KAZN: variants seen among roughly 807,000 people sequenced by gnomAD.
KAZN encodes kazrin.
Under a neutral mutation model 87.4 loss-of-function variants are expected in KAZN, and 40 were observed. The observed-to-expected ratio is 0.46, with a 90% confidence interval of 0.36 to 0.60. The LOEUF is 0.60. KAZN is among the 20% of genes least tolerant of loss of function. KAZN has a pLI of 0.00. For missense variants in KAZN, 898 were observed against 1,073.9 expected (o/e 0.84, Z 2.29); for synonymous variants, 466 against 458.3 (o/e 1.02, Z -0.22).
At chr1:14,394,831 G>A (rs1176392152) in intron 2 of KAZN, among the ~76,000 whole-genome samples, 1 of 152,160 alleles carries the variant, frequency 6.6e-6, no homozygotes, top group African/African-American at 2.4e-5. Flanking sequence ...TACAGATATG[G>A]GGACAGTATT....
At chr1:14,429,126 T>C (rs1262622819) in intron 2 of KAZN, among the ~76,000 whole-genome samples, 1 of 152,074 alleles carries the variant, frequency 6.6e-6, no homozygotes, top group Non-Finnish European at 1.5e-5. Context: ...GTCATATAAG[T>C]TTTATGATCT....
intron 1 of KAZN, among the ~76,000 whole-genome samples, chr1:14,098,347 C>T (rs896708199): frequency 2.0e-4 from 31 of 151,640 alleles, no homozygotes; most frequent in African/African-American, 7.3e-4. Flanking sequence ...GGTTTTTTTG[C>T]CCTATGGTCA....
At chr1:14,259,312 A>G (rs1480323756) in intron 2 of KAZN, among the ~76,000 whole-genome samples, 3 of 151,916 alleles carry the variant, frequency 2.0e-5, no homozygotes, top group African/African-American at 4.8e-5. Flanking sequence ...TTTCTGTAGG[A>G]AGTATATTGT....
chr1:14,879,877 C>T (rs983864002), intron 1 of KAZN, among the ~76,000 whole-genome samples: 6 of 152,138 alleles, frequency 3.9e-5, no homozygotes. Flanking sequence ...ACATTTTGTG[C>T]ATTATCTCAT....
chr1:14,782,398 A>C (rs1422652119), intron 1 of KAZN, among the ~76,000 whole-genome samples: 2 of 151,896 alleles, frequency 1.3e-5, no homozygotes, highest in African/African-American at 2.4e-5. Context: ...AAATACAAAA[A>C]TTAGCCCGGC....
At chr1:13,932,781 C>T (rs1038070168) in intron 1 of KAZN, among the ~76,000 whole-genome samples, 3 of 152,194 alleles carry the variant, frequency 2.0e-5, no homozygotes, top group African/African-American at 7.2e-5. Context: ...ATGTTTGACG[C>T]TGGAATGATT....
intron 1 of KAZN, among the ~76,000 whole-genome samples, chr1:14,116,490 GT>G (rs1644621332): frequency 1.3e-5 from 2 of 152,210 alleles, no homozygotes; most frequent in African/African-American, 4.8e-5. Context: ...AAGAGTTGAG[GT>G]TTGGGAACCT....
At chr1:14,947,232 C>T (rs116548289) in intron 1 of KAZN, among the ~76,000 whole-genome samples, 316 of 152,298 alleles carry the variant, frequency 2.1e-3, no homozygotes, top group African/African-American at 7.4e-3. Context: ...CGCGGCCTTC[C>T]TTCTTTTTCC....
chr1:14,264,916 T>C (rs944467695), intron 2 of KAZN, among the ~76,000 whole-genome samples: 27 of 152,246 alleles, frequency 1.8e-4, no homozygotes, highest in Admixed American at 1.8e-3. Flanking sequence ...CTTTGTTACA[T>C]CTGCAAAGTC....
chr1:14,852,429 G>A (rs999173145), intron 1 of KAZN, among the ~76,000 whole-genome samples: 2 of 152,210 alleles, frequency 1.3e-5, no homozygotes, highest in African/African-American at 4.8e-5. Context: ...GAATGAGGAG[G>A]AACCGGAGCC....
intron 2 of KAZN, among the ~76,000 whole-genome samples, chr1:14,560,577 C>T (rs1557801079): frequency 1.3e-5 from 2 of 152,090 alleles, no homozygotes; most frequent in Non-Finnish European, 2.9e-5. Context: ...GACTCCATCT[C>T]AAAATAATAA....
At chr1:14,000,779 A>T (rs989130527) in intron 1 of KAZN, among the ~76,000 whole-genome samples, 5 of 150,458 alleles carry the variant, frequency 3.3e-5, no homozygotes, top group Non-Finnish European at 7.4e-5. Flanking sequence ...TGCAGATGAC[A>T]TGATTTTTTT....
At chr1:14,978,811 G>A (rs368356287) in intron 2 of KAZN, among the ~76,000 whole-genome samples, 15 of 152,228 alleles carry the variant, frequency 9.9e-5, no homozygotes, top group East Asian at 7.8e-4. Flanking sequence ...AGACATAGCC[G>A]CCTCTGCTGC....
At chr1:14,149,986 G>A (rs1050662841) in intron 1 of KAZN, among the ~76,000 whole-genome samples, 7 of 152,140 alleles carry the variant, frequency 4.6e-5, no homozygotes, top group Admixed American at 1.3e-4. Context: ...TGGTGATACC[G>A]ACAGTCATAC....
intron 2 of KAZN, among the ~76,000 whole-genome samples, chr1:14,402,677 A>G (rs1663514085): frequency 6.6e-6 from 1 of 152,216 alleles, no homozygotes; most frequent in South Asian, 2.1e-4. Context: ...AAGAGTTGCT[A>G]AATAAGTTGT....
chr1:14,233,564 G>A lies in KAZN; in HGVS notation c.249+52972G>A, dbSNP rs189420377. On this transcript the variant is annotated intron_variant, in intron 2 of 16. Coordinates refer to the KAZN transcript ENST00000636203. ...CTCCCTCAGGTAAGAATTATCCCCC[G>A]GAATATGAAAGCCAAAATCAGCTGA... Among the ~76,000 whole-genome samples the A allele has an allele frequency of 5.0e-4, 76 of 152,242 alleles. No individual in the cohort carries two copies. In the East Asian group the frequency reaches 9.8e-3, roughly 20 times the overall value.
intron 2 of KAZN, among the ~76,000 whole-genome samples, chr1:14,338,488 G>GAA (rs543667115): frequency 2.8e-4 from 23 of 81,572 alleles, no homozygotes; most frequent in Admixed American, 5.2e-4. Flanking sequence ...CCATCTTAGA[G>GAA]AAAAAAAAAA....
At chr1:14,887,141 T>C (rs1417451525) in intron 1 of KAZN, among the ~76,000 whole-genome samples, 1 of 152,224 alleles carries the variant, frequency 6.6e-6, no homozygotes, top group Non-Finnish European at 1.5e-5. Context: ...GCCCCTTTCC[T>C]CCTCTGTTTT....
intron 1 of KAZN, among the ~76,000 whole-genome samples, chr1:14,126,238 A>G (rs1644862553): frequency 6.6e-6 from 1 of 152,122 alleles, no homozygotes; most frequent in Non-Finnish European, 1.5e-5. Flanking sequence ...CCTTTCTCTC[A>G]TTGTGGGTTT....
Sources: allele counts gnomAD v4.1 joint callset (sites outside exome capture counted in the v4.1 genomes callset), GRCh38; gene constraint gnomAD v4.1.1; transcripts MANE v1.5; gene names NCBI Gene and HGNC (gene_info 2026-07-23, HGNC 2026-07-21).